CELF2: variants seen among roughly 807,000 people sequenced by gnomAD.
CELF2 encodes the protein CUG triplet repeat RNA-binding protein 2.
A neutral mutation model predicts 62.6 loss-of-function variants in CELF2; 8 were observed. The ratio of observed to expected loss-of-function variants is 0.13; its 90% CI spans 0.07 to 0.23. CELF2 has a LOEUF of 0.23. CELF2 is among the 10% of genes least tolerant of loss of function. The pLI is 1.00. For missense variants in CELF2, 333 were observed against 671.0 expected (o/e 0.50, Z 5.56); for synonymous variants, 258 against 250.0 (o/e 1.03, Z -0.30).
chr10:11,066,041 C>CA (rs2068052713), intron 1 of CELF2, among the ~76,000 whole-genome samples: 1 of 152,068 alleles, frequency 6.6e-6, no homozygotes, highest in African/African-American at 2.4e-5. Context: ...ACCCAAAGGC[C>CA]ATTGTGGCTG....
chr10:10,529,683 CAAAAAAAAAAAAAAA>C, the CELF2 span, among the ~76,000 whole-genome samples: 9 of 65,460 alleles, frequency 1.4e-4, no homozygotes, highest in African/African-American at 5.8e-4. Flanking sequence ...GACTCCATCT[CAAAAAAAAAAAAAAA>C]AAAAAAAAAA....
At chr10:10,819,020 C>A (rs1445472691) in intron 1 of CELF2, among the ~76,000 whole-genome samples, 1 of 152,156 alleles carries the variant, frequency 6.6e-6, no homozygotes, top group African/African-American at 2.4e-5. Flanking sequence ...AAGCACTTGG[C>A]ACAGACATGG....
chr10:11,317,513 T>C (rs1317668375), intron 10 of CELF2: 1 of 152,240 alleles, frequency 6.6e-6, no homozygotes, highest in Admixed American at 6.5e-5. Context: ...AAGGAAAACT[T>C]ACCCCAGTGA....
chr10:11,316,911 G>A lies in CELF2; in HGVS notation c.1096+2653G>A, dbSNP rs1361469434. On this transcript the variant is annotated intron_variant, in intron 10 of 12. Coordinates refer to ENST00000633077, the MANE Select transcript of CELF2 (RefSeq NM_001326342.2). The surrounding 1 kb of genome is among the most constrained non-coding windows in gnomAD (Gnocchi z 4.4). ...AAAAACAGTACAGCGCCCTAAAAAT[G>A]TAAGAATCATCCAGATCAGAAGAAG... is the stretch of plus-strand genomic sequence containing the variant. The A allele has an allele frequency of 6.6e-6, 1 of 152,220 alleles. No individual in the cohort carries two copies. Among genetic ancestry groups the A allele is most frequent in the African/African-American group, 2.4e-5 (1 of 41,462 alleles). 9.4% of individuals were successfully genotyped at this position (152,220 alleles called of 1,614,324 possible). A position where few individuals can be genotyped will look rare whatever the true frequency, so the allele number is the denominator to read the frequency against.
intron 1 of CELF2, among the ~76,000 whole-genome samples, chr10:10,905,411 A>T (rs1387044445): frequency 6.6e-6 from 1 of 152,160 alleles, no homozygotes; most frequent in African/African-American, 2.4e-5. Flanking sequence ...TTAAATTGCC[A>T]TTAGAGTTTG....
At chr10:10,854,098 C>A (rs1260356847) in intron 1 of CELF2, among the ~76,000 whole-genome samples, 4 of 152,164 alleles carry the variant, frequency 2.6e-5, no homozygotes, top group African/African-American at 9.7e-5. Context: ...ATGTATTTTA[C>A]ACATTACTTG....
intron 1 of CELF2, among the ~76,000 whole-genome samples, chr10:11,033,057 G>A (rs1473893397): frequency 6.6e-6 from 1 of 152,170 alleles, no homozygotes; most frequent in African/African-American, 2.4e-5. Context: ...GAGTAATACA[G>A]TGCATCGACA....
intron 2 of CELF2, among the ~76,000 whole-genome samples, chr10:10,926,514 A>G (rs1400816196): frequency 6.6e-6 from 1 of 152,220 alleles, no homozygotes; most frequent in Non-Finnish European, 1.5e-5. Context: ...TGATTCTGTT[A>G]TAACAGCACA....
At chr10:10,531,925 G>A in the CELF2 span, among the ~76,000 whole-genome samples, 1 of 152,172 alleles carries the variant, frequency 6.6e-6, no homozygotes, top group East Asian at 1.9e-4. Flanking sequence ...CCCTCTCATG[G>A]TATTACAGGT....
chr10:11,246,828 G>A lies in CELF2; in HGVS notation c.355-2325G>A, dbSNP rs1184766171. On this transcript the variant is annotated intron_variant, in intron 3 of 12. Coordinates refer to ENST00000633077, the MANE Select transcript of CELF2 (RefSeq NM_001326342.2). This position sits in a 1 kb window ranked among gnomAD's most constrained non-coding sequence, Gnocchi z 4.6. ...TGTCACGCTAAGGAACATTCTCTGT[G>A]GCCCTGGCCCGTCTCTCGAGCCTGA... Among the ~76,000 whole-genome samples, 1 of 152,154 alleles carries A rather than the reference G, an allele frequency of 6.6e-6. No homozygotes were observed. The highest frequency in any genetic ancestry group is 1.5e-5 in the Non-Finnish European group (1 of 68,026).
In CELF2 at chr10:10,934,368, C is replaced by T. The variant is rs2066413637; in HGVS notation, c.89+14369C>T. The stretch of plus-strand genomic sequence containing the variant: ...CTATCCTCAACACCTAGCATAGTGC[C>T]TCCAGCACACAACAGATGCTCAAAT... On this transcript the variant is annotated intron_variant, in intron 2 of 13. Transcript: ENST00000636488. The surrounding 1 kb of genome is among the most constrained non-coding windows in gnomAD (Gnocchi z 4.4). Among the ~76,000 whole-genome samples the T allele has an allele frequency of 6.6e-6, 1 of 152,172 alleles. No individual in the cohort carries two copies.
At chr10:10,851,722 A>G (rs758782513) in intron 1 of CELF2, among the ~76,000 whole-genome samples, 1 of 152,236 alleles carries the variant, frequency 6.6e-6, no homozygotes, top group Non-Finnish European at 1.5e-5. Flanking sequence ...TGTATCCAGA[A>G]TACGTACAAG....
intron 7 of CELF2, 39 bp from the exon 8 acceptor site, chr10:11,275,018 C>G (rs368715923): frequency 1.3e-5 from 21 of 1,602,200 alleles, no homozygotes; most frequent in Non-Finnish European, 1.7e-5. Context: ...TTACTTTGCT[C>G]TCACCGTCTC....
chr10:11,205,289 G>A (rs891959655), intron 2 of CELF2, among the ~76,000 whole-genome samples: 4 of 152,258 alleles, frequency 2.6e-5, no homozygotes, highest in East Asian at 1.9e-4. Context: ...CAGGCCTGTC[G>A]CGGCTGCATT....
intron 1 of CELF2, among the ~76,000 whole-genome samples, chr10:11,086,807 A>T (rs555764892): frequency 2.0e-5 from 3 of 152,202 alleles, no homozygotes; most frequent in Non-Finnish European, 2.9e-5. Context: ...GGTTAGACCA[A>T]AATAAAATTT....
the CELF2 span, among the ~76,000 whole-genome samples, chr10:10,496,228 C>G: frequency 6.6e-6 from 1 of 152,198 alleles, no homozygotes; most frequent in African/African-American, 2.4e-5. Context: ...GCCACACTTT[C>G]CTTCTATGAC....
chr10:10,725,046 T>C, the CELF2 span, among the ~76,000 whole-genome samples: 2 of 152,256 alleles, frequency 1.3e-5, no homozygotes, highest in Non-Finnish European at 2.9e-5. Flanking sequence ...GAAAATGTGT[T>C]CAATGTTAGC....
chr10:11,320,541 ATTC>A (rs1250602783), intron 10 of CELF2, among the ~76,000 whole-genome samples: 2 of 152,146 alleles, frequency 1.3e-5, no homozygotes, highest in Non-Finnish European at 2.9e-5. Flanking sequence ...CTGTGCCTCA[ATTC>A]TTCATCAGCC....
At chr10:11,272,440 A>G (rs1471956013) in intron 7 of CELF2, among the ~76,000 whole-genome samples, 1 of 152,140 alleles carries the variant, frequency 6.6e-6, no homozygotes, top group Non-Finnish European at 1.5e-5. Flanking sequence ...GGCTGACATC[A>G]CGCTCACCTT....
Sources: gnomAD v4.1 joint callset for allele counts (sites outside exome capture counted in the v4.1 genomes callset) on GRCh38, gnomAD v4.1.1 for gene constraint, Gnocchi (gnomAD v3.1) non-coding constraint, MANE v1.5 for transcripts, NCBI Gene and HGNC (gene_info 2026-07-23, HGNC 2026-07-21) for gene names.